Variants in DNAAF9 observed in about 807,000 individuals in gnomAD.
The protein encoded by DNAAF9 is dynein axonemal assembly factor 9.
Under a neutral mutation model 167.0 loss-of-function variants are expected in DNAAF9, and 90 were observed. The observed-to-expected ratio is 0.54, with a 90% CI of 0.45 to 0.64. The LOEUF (loss-of-function observed/expected upper bound fraction) is 0.64. Among genes scored for constraint, DNAAF9 ranks in the 30% least tolerant of loss-of-function variants. The pLI is 0.00. For synonymous variants in DNAAF9, 491 were observed against 508.8 expected, an observed-to-expected ratio of 0.96 and a Z score of 0.47; for missense variants, 1,315 against 1,442.2, an observed-to-expected ratio of 0.91 and a Z score of 1.43.
rs1012078929 is a variant in DNAAF9 at position 3,259,683 on chromosome 20, C to T, written c.2981-129G>A. 2.9e-5 allele frequency: 21 copies of T among 734,364 alleles called. No individual in the cohort carries two copies. The Middle Eastern group carries it at 1.3e-3, about 47-fold the overall frequency. 45.5% of individuals were successfully genotyped at this position (734,364 alleles called of 1,614,324 possible). On this transcript the variant is annotated intron_variant, in intron 32 of 36. Transcript: ENST00000252032. The stretch of plus-strand genomic sequence containing the variant: ...GGGTCTAGGGTTCACAGGTTCTACC[C>T]GCCACACCCTGTTGCTCCCCTGTGG...
chr20:3,290,135 C>T lies in DNAAF9; in HGVS notation c.2321G>A (p.Cys774Tyr), dbSNP rs1352964186. The T allele has an allele frequency of 6.2e-7, 1 of 1,606,696 alleles. No individual in the cohort carries two copies. Among genetic ancestry groups the T allele is most frequent in the East Asian group, 2.2e-5 (1 of 44,858 alleles). Residue 774 changes from cysteine (C) to tyrosine (Y), a missense_variant, in exon 26 of 37, where the codon TGT (cysteine) becomes TAT (tyrosine). Cys to Tyr is a radical substitution (Grantham distance 194). Around this residue, in one of 2 missense-constraint regions of DNAAF9, gnomAD observed 981 missense variants for 1,012.5 expected, o/e 0.97. Coordinates refer to ENST00000252032, the MANE Select transcript of DNAAF9 (RefSeq NM_001009984.3). ...CAFLVTLHKE[C>Y]GRWMVYRQIM... ...AGGCATCAGCCATACTAACCTGCCA[C>T]ATTCCTTATGCAGAGTGACCAGAAA... is the stretch of plus-strand genomic sequence containing the variant.
chr20:3,297,946 G>GC, intron 22 of DNAAF9, 83 bp downstream of exon 22: 1 of 1,074,154 alleles, frequency 9.3e-7, no homozygotes, highest in East Asian at 2.4e-5. Context: ...TTCACTGTTA[G>GC]CCCCAAAATG....
At chr20:3,252,798 C>A (rs1039425401) in intron 36 of DNAAF9, 114 bp from the exon 37 acceptor site, 9 of 707,202 alleles carry the variant, frequency 1.3e-5, no homozygotes, top group Non-Finnish European at 2.1e-5. Flanking sequence ...GAGTGTCTGG[C>A]CCATAGAGAG....
rs143251801 is a variant in DNAAF9 at position 3,367,623 on chromosome 20, A to G, written c.612+6425T>C. Among the ~76,000 whole-genome samples, 420 of 152,288 alleles carry G rather than the reference A, an allele frequency of 2.8e-3. 1 individual carries two copies. The highest frequency in any genetic ancestry group is 9.5e-3 in the African/African-American group (395 of 41,562). On this transcript the variant is annotated intron_variant, in intron 6 of 36. Coordinates refer to ENST00000252032, the MANE Select transcript of DNAAF9 (RefSeq NM_001009984.3). Reference sequence around the variant, plus strand: ...GTCAATGAATAGGGAAGTCAGGATAAAGCAAAAAACGAGGGAACAGCCAGT... The same window carrying G: ...GTCAATGAATAGGGAAGTCAGGATAGAGCAAAAAACGAGGGAACAGCCAGT...
intron 27 of DNAAF9, among the ~76,000 whole-genome samples, chr20:3,283,917 G>C (rs1445452605): frequency 6.6e-6 from 1 of 152,146 alleles, no homozygotes; most frequent in East Asian, 1.9e-4. Flanking sequence ...TAGGTTTTCA[G>C]AGCATTTCAT....
chr20:3,328,271 TC>T (rs2069753183), intron 12 of DNAAF9, among the ~76,000 whole-genome samples: 1 of 149,560 alleles, frequency 6.7e-6, no homozygotes, highest in African/African-American at 2.5e-5. Flanking sequence ...AACCTCTGCC[TC>T]CCGGGTTCAA....
intron 1 of DNAAF9, among the ~76,000 whole-genome samples, chr20:3,392,705 G>A (rs2083843549): frequency 6.6e-6 from 1 of 151,926 alleles, no homozygotes; most frequent in Admixed American, 6.6e-5. Flanking sequence ...TTTCTTGTTT[G>A]TTTATATTTC....
At chr20:3,296,715 T>A in intron 23 of DNAAF9, 146 bp downstream of exon 23, 1 of 652,034 alleles carries the variant, frequency 1.5e-6, no homozygotes, top group South Asian at 1.9e-5. Flanking sequence ...GGGCACCGGC[T>A]ACCTGCAAGT....
At chr20:3,283,453 G>T (rs947313905) in intron 27 of DNAAF9, among the ~76,000 whole-genome samples, 9 of 152,322 alleles carry the variant, frequency 5.9e-5, no homozygotes, top group African/African-American at 2.2e-4. Context: ...GTTCCCCCAG[G>T]GGGGCCTGAC....
intron 12 of DNAAF9, 50 bp from the exon 13 acceptor site, chr20:3,326,334 G>C: frequency 7.9e-7 from 1 of 1,265,826 alleles, no homozygotes; most frequent in Non-Finnish European, 1.1e-6. Context: ...TGAGGTTTTT[G>C]TCAAAAGATG....
intron 7 of DNAAF9, among the ~76,000 whole-genome samples, chr20:3,351,222 G>A (rs1218407894): frequency 6.6e-6 from 1 of 152,246 alleles, no homozygotes; most frequent in African/African-American, 2.4e-5. Flanking sequence ...GGCAGGTGCA[G>A]TGGCTCATGC....
chr20:3,389,576 G>A (rs1042219458), intron 1 of DNAAF9, among the ~76,000 whole-genome samples: 1 of 151,568 alleles, frequency 6.6e-6, no homozygotes, highest in African/African-American at 2.4e-5. Flanking sequence ...AGACCAACAT[G>A]TGCAACATAG....
rs1053335718 is a variant in DNAAF9 at position 3,278,922 on chromosome 20, C to A, written c.2640G>T (p.Gln880His). 6.9e-6 allele frequency: 11 copies of A among 1,602,040 alleles called. No individual in the cohort carries two copies. In the African/African-American group the frequency reaches 1.1e-4, roughly 16 times the overall value. The change falls in exon 29 of 37, where the codon CAG becomes CAT. Residue 880 changes from glutamine to histidine, a missense_variant. Coordinates refer to ENST00000252032, the MANE Select transcript of DNAAF9 (RefSeq NM_001009984.3). ...HRFLFPKCLD[Q>H]CSQGLVSNVV... ...AAGTATATTACTTACCTTGTGAACA[C>A]TGGTCAAGACATTTAGGAAAGAGAA...
intron 10 of DNAAF9, among the ~76,000 whole-genome samples, chr20:3,336,631 C>A (rs9753761): frequency 6.6e-6 from 1 of 152,044 alleles, no homozygotes; most frequent in Non-Finnish European, 1.5e-5. Flanking sequence ...CTCACTGCAG[C>A]CTCTGCCACC....
At chr20:3,361,222 A>G (rs1007877575) in intron 6 of DNAAF9, among the ~76,000 whole-genome samples, 5 of 152,134 alleles carry the variant, frequency 3.3e-5, no homozygotes, top group African/African-American at 7.2e-5. Context: ...GGGAGAGAAG[A>G]TATGGGGAAA....
intron 8 of DNAAF9, among the ~76,000 whole-genome samples, chr20:3,344,059 T>C (rs1414020595): frequency 6.6e-6 from 1 of 152,208 alleles, no homozygotes; most frequent in African/African-American, 2.4e-5. Flanking sequence ...ATCCTTTTAA[T>C]GTACAGTGTT....
intron 1 of DNAAF9, among the ~76,000 whole-genome samples, chr20:3,401,199 A>C (rs959080563): frequency 6.6e-6 from 1 of 151,926 alleles, no homozygotes; most frequent in Non-Finnish European, 1.5e-5. Context: ...ACTATCATGA[A>C]TCACTTTCTT....
chr20:3,403,451 G>T (rs1376037356), intron 1 of DNAAF9, among the ~76,000 whole-genome samples: 2 of 150,514 alleles, frequency 1.3e-5, no homozygotes, highest in Non-Finnish European at 3.0e-5. Context: ...CCACCAACAA[G>T]CTACCAGCAT....
intron 21 of DNAAF9, among the ~76,000 whole-genome samples, chr20:3,303,580 T>G (rs56922670): frequency 6.6e-6 from 1 of 152,230 alleles, no homozygotes; most frequent in Admixed American, 6.5e-5. Context: ...TGTGTCCAAT[T>G]GGTCTGCCTA....
Sources: allele counts gnomAD v4.1 joint callset (sites outside exome capture counted in the v4.1 genomes callset), GRCh38; gene constraint gnomAD v4.1.1; regional missense constraint gnomAD v4.1.1; transcripts MANE v1.5; gene names NCBI Gene and HGNC (gene_info 2026-07-23, HGNC 2026-07-21).